WDR27: variants seen among roughly 807,000 people sequenced by gnomAD.
WDR27 encodes WD repeat domain 27.
Under a neutral mutation model 114.4 loss-of-function variants are expected in WDR27, and 100 were observed. That is an observed-to-expected ratio of 0.87 (90% confidence interval 0.74 to 1.03). The LOEUF (loss-of-function observed/expected upper bound fraction) is 1.03, where lower values mean the gene tolerates loss of function less well. Ranked by LOEUF, WDR27 falls within the 50% of genes least tolerant of loss-of-function variation. The probability of loss-of-function intolerance (pLI) is 0.00; values close to 1 mark genes in which losing one functional copy is unlikely to be tolerated. For missense variants in WDR27, 1,129 were observed against 1,092.9 expected, an observed-to-expected ratio of 1.03 and a Z score of -0.47; for synonymous variants, 449 against 423.1, an observed-to-expected ratio of 1.06 and a Z score of -0.75.
At chr6:169,516,524 C>T (rs1793662168) in intron 25 of WDR27, among the ~76,000 whole-genome samples, 1 of 152,102 alleles carries the variant, frequency 6.6e-6, no homozygotes, top group South Asian at 2.1e-4. Context: ...TTGTCTAAAA[C>T]ATTTACAGAT....
chr6:169,460,357 A>G (rs1784764131), intron 25 of WDR27, among the ~76,000 whole-genome samples: 1 of 152,208 alleles, frequency 6.6e-6, no homozygotes, highest in Non-Finnish European at 1.5e-5. Flanking sequence ...ATTCACTGGT[A>G]TAAATTCAAA....
chr6:169,683,148 A>G (rs1038858526), intron 2 of WDR27, among the ~76,000 whole-genome samples: 2 of 152,236 alleles, frequency 1.3e-5, no homozygotes, highest in Non-Finnish European at 2.9e-5. Flanking sequence ...GGTTATTCAA[A>G]GAAATAACAG....
At chr6:169,437,290 A>T in the WDR27 span, among the ~76,000 whole-genome samples, 2 of 152,112 alleles carry the variant, frequency 1.3e-5, no homozygotes, top group Admixed American at 1.3e-4. Flanking sequence ...TATTGGTGTC[A>T]GGGGTGCACT....
At chr6:169,672,851 T>G (rs1779112498) in intron 2 of WDR27, among the ~76,000 whole-genome samples, 1 of 152,076 alleles carries the variant, frequency 6.6e-6, no homozygotes, top group South Asian at 2.1e-4. Context: ...TGTGGCGACC[T>G]TGGCAACTAC....
intron 21 of WDR27, among the ~76,000 whole-genome samples, chr6:169,630,894 A>AAATC (rs58568284): frequency 0.96 from 145,078 of 151,634 alleles, 69,437 homozygotes; most frequent in East Asian, 0.99. Context: ...ATTCCATCTC[A>AAATC]AATCAATCAA....
intron 20 of WDR27, 35 bp downstream of exon 20, chr6:169,634,393 C>T (rs770604761): frequency 2.0e-6 from 3 of 1,505,418 alleles, no homozygotes; most frequent in Admixed American, 1.8e-5. Context: ...ACACTCAGGG[C>T]GTAAAACCCT....
chr6:169,624,966 G>A (rs374399847), intron 21 of WDR27, among the ~76,000 whole-genome samples: 9 of 152,208 alleles, frequency 5.9e-5, no homozygotes, highest in Non-Finnish European at 8.8e-5. Flanking sequence ...CCTCACCCTC[G>A]GGGCCCGGCC....
rs1807728963 is a variant in WDR27 at position 169,600,420 on chromosome 6, A to G, written c.2424+1799T>C. ...AAATCAGAGCACCACTCCTCCTCCA[A>G]AGGAATGCAGCTCCTCACCAGCAAC... On this transcript the variant is annotated intron_variant, in intron 23 of 25. Coordinates refer to ENST00000448612, the MANE Select transcript of WDR27 (RefSeq NM_182552.5). Among the ~76,000 whole-genome samples, 3 of 152,222 alleles carry G rather than the reference A, an allele frequency of 2.0e-5. No homozygotes were observed. The South Asian group carries it at 6.2e-4, about 32-fold the overall frequency.
At chr6:169,593,807 G>A (rs991825124) in intron 23 of WDR27, among the ~76,000 whole-genome samples, 1 of 152,006 alleles carries the variant, frequency 6.6e-6, no homozygotes, top group African/African-American at 2.4e-5. Context: ...TGAGATCGCG[G>A]CACTGAACTC....
At chr6:169,469,371 A>G (rs1483780538) in intron 25 of WDR27, among the ~76,000 whole-genome samples, 3 of 152,238 alleles carry the variant, frequency 2.0e-5, no homozygotes, top group African/African-American at 7.2e-5. Context: ...GGAAGGGGTG[A>G]CAGGTCCCAA....
rs545707003 is a variant in WDR27, at chr6:169,502,520, C to T, written c.2646-44886G>A. On this transcript the variant is annotated intron_variant, in intron 25 of 25. Transcript: ENST00000448612. ...CGAATGGGCCGCACTGGGCTAAGAT[C>T]AAGTAGCAAAGGGCTGGTTCCCTCT... is the stretch of plus-strand genomic sequence containing the variant. 2.6e-5 allele frequency among the ~76,000 whole-genome samples: 4 copies of T among 152,338 alleles called. No individual in the cohort carries two copies. In the East Asian group the frequency reaches 5.8e-4, roughly 22 times the overall value.
At chr6:169,546,478 C>A (rs919751460) in intron 25 of WDR27, among the ~76,000 whole-genome samples, 1 of 152,096 alleles carries the variant, frequency 6.6e-6, no homozygotes, top group African/African-American at 2.4e-5. Context: ...CAGGGAGAGC[C>A]GTGGGGACAC....
chr6:169,521,065 A>C (rs2128064412), intron 25 of WDR27, among the ~76,000 whole-genome samples: 1 of 152,278 alleles, frequency 6.6e-6, no homozygotes, highest in South Asian at 2.1e-4. Flanking sequence ...GATTTCACTC[A>C]AATAAAGCTA....
At chr6:169,583,506 T>G (rs988640143) in intron 23 of WDR27, among the ~76,000 whole-genome samples, 3 of 14,876 alleles carry the variant, frequency 2.0e-4, no homozygotes, top group African/African-American at 3.9e-4. Context: ...TATATATATG[T>G]ATATATACAC....
intron 25 of WDR27, among the ~76,000 whole-genome samples, chr6:169,475,230 GATTC>G (rs1362218997): frequency 6.6e-6 from 1 of 152,142 alleles, no homozygotes; most frequent in Non-Finnish European, 1.5e-5. Context: ...TTTATTGATT[GATTC>G]ATTTTGAAAC....
At chr6:169,508,052 G>C (rs1363588927) in intron 25 of WDR27, among the ~76,000 whole-genome samples, 1 of 152,232 alleles carries the variant, frequency 6.6e-6, no homozygotes, top group Non-Finnish European at 1.5e-5. Flanking sequence ...GGGCACAGCA[G>C]AGTGTGGATT....
chr6:169,632,914 C>T (rs750806777), intron 21 of WDR27, 33 bp downstream of exon 21: 4 of 1,560,738 alleles, frequency 2.6e-6, no homozygotes, highest in Non-Finnish European at 1.8e-6. Context: ...CATAGTTTTA[C>T]AGATGATACA....
intron 25 of WDR27, among the ~76,000 whole-genome samples, chr6:169,480,445 G>C (rs1441361218): frequency 2.0e-5 from 3 of 152,262 alleles, no homozygotes; most frequent in Non-Finnish European, 4.4e-5. Flanking sequence ...CGTGGGACTG[G>C]TGGTCAGCTC....
At chr6:169,654,716 GAGA>G (rs150754972) in intron 13 of WDR27, among the ~76,000 whole-genome samples, 69 of 127,976 alleles carry the variant, frequency 5.4e-4, no homozygotes, top group African/African-American at 1.7e-3. Flanking sequence ...GCGCGCACAG[GAGA>G]AGGAGGCGCG....
Sources: gnomAD v4.1 joint callset for allele counts (sites outside exome capture counted in the v4.1 genomes callset) on GRCh38, gnomAD v4.1.1 for gene constraint, MANE v1.5 for transcripts, NCBI Gene and HGNC (gene_info 2026-07-23, HGNC 2026-07-21) for gene names.